The following HABP2 variants were observed in gnomAD, a reference collection of about 807,000 sequenced individuals.
HABP2 encodes the protein hyaluronan binding protein 2.
In HABP2, 65 loss-of-function variants were observed where a neutral mutation model predicts 66.5. The ratio of observed to expected loss-of-function variants is 0.98; its 90% CI spans 0.80 to 1.20. The LOEUF is 1.20. Among genes scored for constraint, HABP2 ranks in the 50% most tolerant of loss-of-function variants. The pLI, the probability that HABP2 is intolerant of heterozygous loss-of-function variation, is 0.00. For missense variants in HABP2, 786 were observed against 691.0 expected, an observed-to-expected ratio of 1.14 and a Z score of -1.54; for synonymous variants, 263 against 253.9, an observed-to-expected ratio of 1.04 and a Z score of -0.34.
chr10:113,578,544 C>A, intron 6 of HABP2, 83 bp from the exon 7 acceptor site: 1 of 894,038 alleles, frequency 1.1e-6, no homozygotes, highest in Non-Finnish European at 1.8e-6. Context: ...GTTCTCTCAC[C>A]ATGTCACATA....
chr10:113,563,061 T>C (rs771160444), intron 1 of HABP2, among the ~76,000 whole-genome samples: 9 of 152,240 alleles, frequency 5.9e-5, no homozygotes, highest in Non-Finnish European at 1.3e-4. Flanking sequence ...TTATGAAGTA[T>C]TGTGTGCAAC....
intron 2 of HABP2, among the ~76,000 whole-genome samples, chr10:113,568,394 T>C (rs7087194): frequency 0.025 from 3,809 of 152,342 alleles, 162 homozygotes; most frequent in African/African-American, 0.087. Flanking sequence ...GGCACAAAGA[T>C]GGCAGTAACT....
chr10:113,579,832 G>C (rs1845486521), intron 7 of HABP2, among the ~76,000 whole-genome samples: 1 of 151,546 alleles, frequency 6.6e-6, no homozygotes, highest in African/African-American at 2.4e-5. Context: ...ACCCAGGCTA[G>C]AGTGCAGTGG....
chr10:113,568,975 G>A (rs1187208134), intron 2 of HABP2, among the ~76,000 whole-genome samples: 1 of 152,208 alleles, frequency 6.6e-6, no homozygotes, highest in Non-Finnish European at 1.5e-5. Context: ...ACTGAACAGA[G>A]ACCATGGAAA....
chr10:113,574,186 A>G (rs1845364349), intron 2 of HABP2, 103 bp from the exon 3 acceptor site: 2 of 687,934 alleles, frequency 2.9e-6, no homozygotes, highest in South Asian at 3.3e-5. Context: ...TTCCTCCTGC[A>G]GGACTTTGAA....
intron 8 of HABP2, among the ~76,000 whole-genome samples, chr10:113,581,555 A>G (rs1285204594): frequency 1.3e-5 from 2 of 152,274 alleles, no homozygotes; most frequent in African/African-American, 4.8e-5. Context: ...TGTCAAGGTG[A>G]AGTACATACC....
intron 2 of HABP2, among the ~76,000 whole-genome samples, chr10:113,572,494 C>T (rs1845331725): frequency 6.6e-6 from 1 of 152,286 alleles, no homozygotes; most frequent in South Asian, 2.1e-4. Context: ...GTTGGAAAAA[C>T]AAAAATAAAT....
chr10:113,561,228 C>A (rs964958462), intron 1 of HABP2, among the ~76,000 whole-genome samples: 2 of 152,026 alleles, frequency 1.3e-5, no homozygotes, highest in Admixed American at 1.3e-4. Flanking sequence ...TCTATTTTGT[C>A]CTATCTTTAA....
intron 1 of HABP2, among the ~76,000 whole-genome samples, chr10:113,558,859 T>TA (rs1342069243): frequency 6.8e-6 from 1 of 148,092 alleles, no homozygotes; most frequent in African/African-American, 2.5e-5. Flanking sequence ...CTTGTCTTAA[T>TA]TTTTTTTTTT....
intron 2 of HABP2, among the ~76,000 whole-genome samples, chr10:113,568,205 G>T (rs567218018): frequency 6.6e-6 from 1 of 152,200 alleles, no homozygotes; most frequent in East Asian, 1.9e-4. Context: ...CTCTGGGTTC[G>T]AGTCTCCCTT....
At position 113,583,210 on chromosome 10, in the gene HABP2, T is replaced by C. The variant is rs200597605; in HGVS notation, c.1095-6T>C. 406 of 1,613,566 alleles carry C rather than the reference T, an allele frequency of 2.5e-4. 1 individual carries two copies. In the African/African-American group the frequency reaches 5.0e-3, roughly 20 times the overall value. On this transcript the variant is annotated splice_region_variant and splice_polypyrimidine_tract_variant and intron_variant, in intron 9 of 12. Transcript: ENST00000351270. ...GCCTTCCTGACCATCTCATTTTCCC[T>C]TGCAGCATAAAAACCAGACATCTAA...
Position 113,581,907 on chromosome 10 carries a change from G to T in HABP2, c.870G>T (p.Glu290Asp). ...CCTACCCAGAGGAAAGCCCCACTGA[G>T]CCATCAACCAAGCTTCCGGGGTTTG... The part of the protein sequence containing the change: ...DVAYPEESPT[E>D]PSTKLPGFDS... The change falls in exon 9 of 13, where the codon GAG becomes GAT. Residue 290 changes from glutamate (E) to aspartate (D), a missense_variant. Coordinates refer to ENST00000351270, the MANE Select transcript of HABP2 (RefSeq NM_004132.5). The T allele has an allele frequency of 6.2e-7, 1 of 1,614,138 alleles. No individual in the cohort carries two copies. The highest frequency in any genetic ancestry group is 8.5e-7 in the Non-Finnish European group (1 of 1,179,958).
intron 1 of HABP2, among the ~76,000 whole-genome samples, chr10:113,554,685 G>C (rs1411421365): frequency 2.0e-5 from 3 of 152,192 alleles, no homozygotes; most frequent in Non-Finnish European, 4.4e-5. Flanking sequence ...GAACATACCA[G>C]TCGGAAAGAA....
intron 1 of HABP2, among the ~76,000 whole-genome samples, chr10:113,563,883 C>T (rs11575645): frequency 0.39 from 59,123 of 152,030 alleles, 13,121 homozygotes; most frequent in African/African-American, 0.57. Context: ...CAGACAGGCC[C>T]TGCCCTGAGA....
chr10:113,579,120 G>A (rs889395540), intron 7 of HABP2, among the ~76,000 whole-genome samples: 4 of 151,494 alleles, frequency 2.6e-5, no homozygotes, highest in African/African-American at 7.3e-5. Flanking sequence ...ATAGCTGAAT[G>A]TGGTGGTCAG....
At chr10:113,570,696 G>T (rs1272706512) in intron 2 of HABP2, among the ~76,000 whole-genome samples, 1 of 152,218 alleles carries the variant, frequency 6.6e-6, no homozygotes, top group East Asian at 1.9e-4. Context: ...GTTTCTTACT[G>T]AAATTCCCTA....
intron 9 of HABP2, among the ~76,000 whole-genome samples, chr10:113,582,983 T>C (rs889931550): frequency 9.2e-5 from 14 of 152,222 alleles, no homozygotes; most frequent in Admixed American, 6.5e-4. Flanking sequence ...CTAGGGAGAA[T>C]GGGAGGTCTC....
intron 6 of HABP2, among the ~76,000 whole-genome samples, 155 bp downstream of exon 6, chr10:113,578,300 C>A (rs1173992376): frequency 6.6e-6 from 1 of 152,126 alleles, no homozygotes; most frequent in Non-Finnish European, 1.5e-5. Flanking sequence ...GTCTGGCTTC[C>A]TGTAAAGAAA....
intron 1 of HABP2, among the ~76,000 whole-genome samples, chr10:113,564,058 A>G (rs1845150100): frequency 6.6e-6 from 1 of 152,166 alleles, no homozygotes; most frequent in Non-Finnish European, 1.5e-5. Flanking sequence ...TATAAAGAAA[A>G]AGAGGTTTAA....
Sources: gnomAD v4.1 joint callset for allele counts (sites outside exome capture counted in the v4.1 genomes callset) on GRCh38, gnomAD v4.1.1 for gene constraint, MANE v1.5 for transcripts, NCBI Gene and HGNC (gene_info 2026-07-23, HGNC 2026-07-21) for gene names.